ZFAT: variants seen among roughly 807,000 people sequenced by gnomAD.
ZFAT encodes the protein zinc finger and AT-hook domain containing.
ZFAT carries 64 observed loss-of-function variants against 117.7 expected under a neutral mutation model. The ratio of observed to expected loss-of-function variants is 0.54; its 90% CI spans 0.44 to 0.67. The LOEUF (loss-of-function observed/expected upper bound fraction) is 0.67, where lower values mean the gene tolerates loss of function less well. Among genes scored for constraint, ZFAT ranks in the 30% least tolerant of loss-of-function variants. The pLI is 0.00. For missense variants in ZFAT, 1,433 were observed against 1,584.5 expected (o/e 0.90, Z 1.62); for synonymous variants, 679 against 615.0 (o/e 1.10, Z -1.54).
chr8:134,691,345 C>T (rs1238835373), intron 1 of ZFAT, among the ~76,000 whole-genome samples: 3 of 50,418 alleles, frequency 6.0e-5, no homozygotes, highest in South Asian at 7.0e-4. Flanking sequence ...CATGCTCAGG[C>T]GGGGCTCAGG....
chr8:134,755,817 C>CAAAAAAAAAAAAAAAAAAAAAAAAAA, the ZFAT span, among the ~76,000 whole-genome samples: 1 of 90,014 alleles, frequency 1.1e-5, no homozygotes, highest in Non-Finnish European at 2.1e-5. Flanking sequence ...GACTCCATCT[C>CAAAAAAAAAAAAAAAAAAAAAAAAAA]AAAAAAAAAA....
At chr8:134,662,832 C>A (rs747197560) in intron 1 of ZFAT, among the ~76,000 whole-genome samples, 20 of 152,252 alleles carry the variant, frequency 1.3e-4, no homozygotes, top group Non-Finnish European at 2.4e-4. Flanking sequence ...CCCAGTGTGT[C>A]CTGAGCCTCC....
At chr8:134,499,519 C>T (rs1818794238) in intron 15 of ZFAT, among the ~76,000 whole-genome samples, 1 of 148,040 alleles carries the variant, frequency 6.8e-6, no homozygotes. Context: ...AGCTGGGATG[C>T]CCCCGTTGCT....
At chr8:134,669,404 T>G (rs1254452063) in intron 1 of ZFAT, among the ~76,000 whole-genome samples, 3 of 152,158 alleles carry the variant, frequency 2.0e-5, no homozygotes, top group Non-Finnish European at 2.9e-5. Context: ...AACGGATCTC[T>G]CGGCGGAAAC....
At chr8:134,520,442 G>A (rs997986543) in intron 13 of ZFAT, among the ~76,000 whole-genome samples, 2 of 151,852 alleles carry the variant, frequency 1.3e-5, no homozygotes, top group African/African-American at 4.8e-5. Flanking sequence ...CAACTCCTAA[G>A]GGAAAAAAAA....
chr8:134,589,225 G>A (rs1244223974), intron 8 of ZFAT, among the ~76,000 whole-genome samples: 3 of 152,186 alleles, frequency 2.0e-5, no homozygotes, highest in African/African-American at 7.2e-5. Flanking sequence ...GCTCACATTG[G>A]ATCCCATGTC....
the ZFAT span, among the ~76,000 whole-genome samples, chr8:134,760,296 A>ACAAACAAAC: frequency 6.8e-6 from 1 of 147,558 alleles, no homozygotes. Context: ...AAACAAACAA[A>ACAAACAAAC]AAACAAACAA....
At position 134,678,987 on chromosome 8, in the gene ZFAT, T is replaced by C. The variant is rs185112704; in HGVS notation, c.20-21250A>G. Reference sequence around the variant, plus strand: ...ATAAGACCTAAAACCATAAAAACCCTAGAAGAAAACCTAGGCAATACCATT... The same window carrying C: ...ATAAGACCTAAAACCATAAAAACCCCAGAAGAAAACCTAGGCAATACCATT... On this transcript the variant is annotated intron_variant, in intron 1 of 15. Transcript: ENST00000377838. 3.7e-3 allele frequency among the ~76,000 whole-genome samples: 569 copies of C among 152,230 alleles called. 7 individuals are homozygous for C. Among genetic ancestry groups the C allele is most frequent in the African/African-American group, 0.013 (535 of 41,528 alleles).
At chr8:134,775,968 G>A in the ZFAT span, among the ~76,000 whole-genome samples, 4 of 152,208 alleles carry the variant, frequency 2.6e-5, no homozygotes, top group African/African-American at 9.6e-5. Context: ...TGGAAGAAAG[G>A]AAATACTGGA....
At chr8:134,686,499 C>A (rs551305272) in intron 1 of ZFAT, among the ~76,000 whole-genome samples, 1 of 151,912 alleles carries the variant, frequency 6.6e-6, no homozygotes, top group Non-Finnish European at 1.5e-5. Flanking sequence ...GTATGTTACA[C>A]GTTAATCTAA....
At chr8:134,786,119 C>T in the ZFAT span, among the ~76,000 whole-genome samples, 1 of 152,164 alleles carries the variant, frequency 6.6e-6, no homozygotes, top group Non-Finnish European at 1.5e-5. Flanking sequence ...TATCCAAAAT[C>T]TCTCAACACT....
intron 15 of ZFAT, among the ~76,000 whole-genome samples, chr8:134,482,351 C>T (rs563310059): frequency 7.2e-5 from 11 of 152,266 alleles, no homozygotes; most frequent in Non-Finnish European, 1.0e-4. Flanking sequence ...GCAGATGAGG[C>T]CTGAAACGAA....
chr8:134,601,353 A>G, intron 6 of ZFAT, 124 bp downstream of exon 6: 5 of 1,390,332 alleles, frequency 3.6e-6, no homozygotes, highest in Middle Eastern at 2.6e-4. Flanking sequence ...CCTATCTACA[A>G]TGGAGGAGGA....
rs576142524 is a variant in ZFAT, at chr8:134,582,428, T to C, written c.2887+1404A>G. 2.0e-5 allele frequency among the ~76,000 whole-genome samples: 3 copies of C among 152,394 alleles called. No individual in the cohort carries two copies. The East Asian group carries it at 5.8e-4, about 29-fold the overall frequency. On this transcript the variant is annotated intron_variant, in intron 10 of 15. Transcript: ENST00000377838. ...CTGAAGGACTGCAGTAGTTATGTGC[T>C]ATCATCATCTTAAGAAATGTAATTC...
chr8:134,601,687 G>C lies in ZFAT; in HGVS notation c.2032C>G (p.Pro678Ala). ...GGGAGGAGGTCTGAGGCCTCAGCTG[G>C]GTTTGACCTGAGACACCTGCTGGGA... is the stretch of plus-strand genomic sequence containing the variant. The part of the protein sequence containing the change: ...PDPSRCLRSN[P>A]AEASDLLPPV... The change falls in exon 6 of 16, where the codon CCA becomes GCA. Residue 678 changes from proline (P) to alanine (A), a missense_variant. Pro to Ala is a conservative substitution (Grantham distance 27). This residue lies in a region of ZFAT where 372 missense variants were observed against 355.6 expected (regional missense o/e 1.05). Transcript: ENST00000377838. The C allele has an allele frequency of 6.2e-7, 1 of 1,613,816 alleles. No homozygotes were observed. Among genetic ancestry groups the C allele is most frequent in the Non-Finnish European group, 8.5e-7 (1 of 1,179,812 alleles).
rs113809550 is a variant in ZFAT, at chr8:134,661,156, G to A, written c.20-3419C>T. On this transcript the variant is annotated intron_variant, in intron 1 of 15. Coordinates refer to ENST00000377838, the MANE Select transcript of ZFAT (RefSeq NM_020863.4). ...GCTTCTCAGCCGAGAGACAACCAGAGCTCAGTGCTGCAGGGCAGTGAAACT... is the reference window on the plus strand; with the variant it reads ...GCTTCTCAGCCGAGAGACAACCAGAACTCAGTGCTGCAGGGCAGTGAAACT... Among the ~76,000 whole-genome samples, 35 of 152,380 alleles carry A rather than the reference G, an allele frequency of 2.3e-4. 1 individual carries two copies. The highest frequency in any genetic ancestry group is 8.4e-4 in the African/African-American group (35 of 41,598).
At chr8:134,575,494 T>C (rs1825233474) in intron 10 of ZFAT, among the ~76,000 whole-genome samples, 1 of 152,212 alleles carries the variant, frequency 6.6e-6, no homozygotes, top group Non-Finnish European at 1.5e-5. Flanking sequence ...CCAGAAGGAA[T>C]GCAGCCAGGC....
At chr8:134,497,840 G>T (rs1586585572) in intron 15 of ZFAT, among the ~76,000 whole-genome samples, 1 of 136,056 alleles carries the variant, frequency 7.3e-6, no homozygotes. Context: ...AGCCTGATTT[G>T]GTAGGGTTGG....
At chr8:134,525,938 C>A (rs1430607847) in intron 12 of ZFAT, among the ~76,000 whole-genome samples, 1 of 152,198 alleles carries the variant, frequency 6.6e-6, no homozygotes, top group Admixed American at 6.5e-5. Context: ...AGAGGATAAA[C>A]TTCATTTTTA....
Sources: gnomAD v4.1 joint callset for allele counts (sites outside exome capture counted in the v4.1 genomes callset) on GRCh38, gnomAD v4.1.1 for gene constraint, gnomAD v4.1.1 regional missense constraint, MANE v1.5 for transcripts, NCBI Gene and HGNC (gene_info 2026-07-23, HGNC 2026-07-21) for gene names.